The following CCSER1 variants were observed in gnomAD, a reference collection of about 807,000 sequenced individuals.
CCSER1 encodes coiled-coil serine rich protein 1, also known as serine-rich coiled-coil domain-containing protein 1.
In CCSER1, 41 loss-of-function variants were observed where a neutral mutation model predicts 82.0. The ratio of observed to expected loss-of-function variants is 0.50; its 90% CI spans 0.39 to 0.65. The LOEUF is 0.65. Among genes scored for constraint, CCSER1 ranks in the 30% least tolerant of loss-of-function variants. CCSER1 has a pLI of 0.00. For missense variants in CCSER1, 1,119 were observed against 1,064.2 expected, an observed-to-expected ratio of 1.05 and a Z score of -0.72; for synonymous variants, 414 against 383.9, an observed-to-expected ratio of 1.08 and a Z score of -0.92.
rs144737638 is a variant in CCSER1, at chr4:90,761,799, G to GT, written c.2010+37810dup. ...AATGGACTCTTTTTCCTTCTGGATC[G>GT]TTGTAAGAATAGCAGATTTGAGATG... On this transcript the variant is annotated intron_variant, in intron 7 of 10. Transcript: ENST00000509176. 2.8e-3 allele frequency among the ~76,000 whole-genome samples: 420 copies of GT among 152,120 alleles called. 1 individual carries two copies. The highest frequency in any genetic ancestry group is 9.8e-3 in the African/African-American group (406 of 41,534).
chr4:90,388,242 A>G (rs1017134452), intron 3 of CCSER1, among the ~76,000 whole-genome samples: 19 of 152,312 alleles, frequency 1.2e-4, no homozygotes, highest in Middle Eastern at 6.8e-3. Context: ...GTTTCCCACT[A>G]TATACTGTGT....
intron 9 of CCSER1, among the ~76,000 whole-genome samples, chr4:90,951,945 C>T (rs1045388332): frequency 2.0e-5 from 3 of 151,974 alleles, no homozygotes; most frequent in African/African-American, 7.2e-5. Flanking sequence ...TTTACACGCA[C>T]ACACATACAG....
rs539257850 is a variant in CCSER1, at chr4:90,728,752, G to A, written c.2010+4761G>A. Among the ~76,000 whole-genome samples the A allele has an allele frequency of 3.3e-5, 5 of 152,236 alleles. No homozygotes were observed. In the East Asian group the frequency reaches 7.7e-4, roughly 24 times the overall value. ...ATGCTTAACTTTACGTGACCATAGA[G>A]CCTGGATTCAGGAATTAGTAATGTG... On this transcript the variant is annotated intron_variant, in intron 7 of 10. Transcript: ENST00000509176.
intron 9 of CCSER1, among the ~76,000 whole-genome samples, chr4:90,944,862 C>A (rs1301263217): frequency 6.6e-6 from 1 of 152,118 alleles, no homozygotes; most frequent in Non-Finnish European, 1.5e-5. Flanking sequence ...CTCCTTCTTC[C>A]CCACCTGCTC....
At chr4:90,979,682 C>T (rs946779523) in intron 9 of CCSER1, among the ~76,000 whole-genome samples, 1 of 151,724 alleles carries the variant, frequency 6.6e-6, no homozygotes, top group Non-Finnish European at 1.5e-5. Flanking sequence ...TGTGTCACTT[C>T]TGATAGATTT....
At chr4:90,695,553 C>T (rs917352878) in intron 6 of CCSER1, among the ~76,000 whole-genome samples, 3 of 151,956 alleles carry the variant, frequency 2.0e-5, no homozygotes, top group Non-Finnish European at 4.4e-5. Context: ...TGGAACTAAT[C>T]CTCTTATTTA....
chr4:90,830,152 C>T (rs1244686343), intron 8 of CCSER1, among the ~76,000 whole-genome samples: 1 of 152,182 alleles, frequency 6.6e-6, no homozygotes, highest in Non-Finnish European at 1.5e-5. Flanking sequence ...AGAGACCTCT[C>T]CTGCTCCGCT....
At chr4:91,378,148 C>A (rs145246552) in intron 10 of CCSER1, among the ~76,000 whole-genome samples, 35 of 151,922 alleles carry the variant, frequency 2.3e-4, no homozygotes, top group African/African-American at 6.8e-4. Flanking sequence ...TTTTGGTTAC[C>A]GTAGCCTTGT....
At chr4:91,520,929 C>T (rs1228152633) in intron 10 of CCSER1, among the ~76,000 whole-genome samples, 2 of 152,046 alleles carry the variant, frequency 1.3e-5, no homozygotes, top group African/African-American at 2.4e-5. Context: ...GGTACATGTG[C>T]ACAATGTGCA....
At chr4:90,476,051 T>TGTGTGTGTGG (rs1172429637) in intron 5 of CCSER1, among the ~76,000 whole-genome samples, 3 of 151,628 alleles carry the variant, frequency 2.0e-5, no homozygotes, top group East Asian at 3.9e-4. Context: ...TGTGTATGTG[T>TGTGTGTGTGG]GTGTGTGTGG....
chr4:91,085,349 T>A (rs1488965247), intron 9 of CCSER1, among the ~76,000 whole-genome samples: 3 of 152,162 alleles, frequency 2.0e-5, no homozygotes, highest in Admixed American at 2.0e-4. Flanking sequence ...TTACTTTTAA[T>A]GACAAAATTG....
intron 10 of CCSER1, among the ~76,000 whole-genome samples, chr4:91,426,999 A>T (rs1004666544): frequency 6.6e-6 from 1 of 152,176 alleles, no homozygotes. Flanking sequence ...ACAGTATAGT[A>T]AGGTGACTGT....
At chr4:90,890,588 C>T (rs1431944959) in intron 8 of CCSER1, among the ~76,000 whole-genome samples, 9 of 152,126 alleles carry the variant, frequency 5.9e-5, no homozygotes. Context: ...AATGACTTGG[C>T]CTGGACTGGG....
chr4:90,842,890 G>GC (rs1320000250), intron 8 of CCSER1, among the ~76,000 whole-genome samples: 1 of 150,018 alleles, frequency 6.7e-6, no homozygotes, highest in Non-Finnish European at 1.5e-5. Flanking sequence ...AAAATTTACA[G>GC]TTTTTATCAT....
chr4:90,453,102 T>G (rs1761697944), intron 4 of CCSER1, among the ~76,000 whole-genome samples: 1 of 152,106 alleles, frequency 6.6e-6, no homozygotes, highest in Non-Finnish European at 1.5e-5. Context: ...CTCAAACAGG[T>G]GGGGGCTGTC....
intron 10 of CCSER1, among the ~76,000 whole-genome samples, chr4:91,396,880 A>G (rs1752014830): frequency 6.6e-6 from 1 of 152,030 alleles, no homozygotes; most frequent in African/African-American, 2.4e-5. Context: ...CTGATAAGAT[A>G]GAAGCCACCT....
intron 10 of CCSER1, among the ~76,000 whole-genome samples, chr4:91,459,995 C>A (rs1756413585): frequency 6.6e-6 from 1 of 152,074 alleles, no homozygotes; most frequent in Non-Finnish European, 1.5e-5. Context: ...CTGGCAGTGG[C>A]AAGCAGAGCA....
chr4:91,105,582 T>C (rs1440343705), intron 10 of CCSER1, among the ~76,000 whole-genome samples: 1 of 152,018 alleles, frequency 6.6e-6, no homozygotes, highest in Admixed American at 6.6e-5. Context: ...TGGATGCCTA[T>C]AGTCCCAGCT....
chr4:90,306,595 G>T (rs923353585), intron 1 of CCSER1, among the ~76,000 whole-genome samples: 1 of 152,084 alleles, frequency 6.6e-6, no homozygotes, highest in South Asian at 2.1e-4. Context: ...AAATACTTAT[G>T]AATGCATATC....
Sources: allele counts gnomAD v4.1 joint callset (sites outside exome capture counted in the v4.1 genomes callset), GRCh38; gene constraint gnomAD v4.1.1; transcripts MANE v1.5; gene names NCBI Gene and HGNC (gene_info 2026-07-23, HGNC 2026-07-21).